MGAT3: variants seen among roughly 807,000 people sequenced by gnomAD.
The protein encoded by MGAT3 is beta-1,4-mannosyl-glycoprotein 4-beta-N-acetylglucosaminyltransferase, also known as GlcNAc-T III.
Under a neutral mutation model 29.8 loss-of-function variants are expected in MGAT3, and 9 were observed. The ratio of observed to expected loss-of-function variants is 0.30; its 90% confidence interval spans 0.18 to 0.53. The LOEUF (loss-of-function observed/expected upper bound fraction) is 0.53. MGAT3 is among the 20% of genes least tolerant of loss of function. The pLI is 0.96. For missense variants in MGAT3, 557 were observed against 769.5 expected, an observed-to-expected ratio of 0.72 and a Z score of 3.27; for synonymous variants, 397 against 348.9, an observed-to-expected ratio of 1.14 and a Z score of -1.54.
In MGAT3 at chr22:39,481,927, T is replaced by C. The variant is rs969755193; in HGVS notation, c.-1-5420T>C. Among the ~76,000 whole-genome samples, 6 of 152,292 alleles carry C rather than the reference T, an allele frequency of 3.9e-5. No individual in the cohort carries two copies. The South Asian group carries it at 1.2e-3, about 32-fold the overall frequency. ...GTCAGCCTCAGTGATAGTTTTACTG[T>C]TACACCTGATGGTTTGTCAATGCTT... On this transcript the variant is annotated intron_variant, in intron 1 of 1. Transcript: ENST00000341184.
chr22:39,486,978 G>A (rs982930657), intron 1 of MGAT3, among the ~76,000 whole-genome samples: 8 of 152,178 alleles, frequency 5.3e-5, no homozygotes, highest in African/African-American at 1.9e-4. Flanking sequence ...GTCCTGGGGC[G>A]GAGTCTGTAC....
chr22:39,469,097 G>A (rs1928735532), intron 1 of MGAT3, among the ~76,000 whole-genome samples: 1 of 147,244 alleles, frequency 6.8e-6, no homozygotes, highest in African/African-American at 2.6e-5. Flanking sequence ...CGGGCAGTGG[G>A]ACTGACTGCC....
Position 39,457,323 on chromosome 22 carries a change from C to G in MGAT3, c.-236C>G, listed in dbSNP as rs1928358058. 7.7e-6 allele frequency: 1 copy of G among 129,096 alleles called. No individual in the cohort carries two copies. The highest frequency in any genetic ancestry group is 1.6e-5 in the Non-Finnish European group (1 of 62,114). 8.0% of individuals were successfully genotyped at this position (129,096 alleles called of 1,614,324 possible). A position where few individuals can be genotyped will look rare whatever the true frequency, so the allele number is the denominator to read the frequency against. On this transcript the variant is annotated 5_prime_UTR_variant, in exon 1 of 2. Transcript: ENST00000341184. The surrounding 1 kb of genome is among the most constrained non-coding windows in gnomAD (Gnocchi z 6.8). Reference sequence around the variant, plus strand: ...GCCGCCGCCCCGGGGTGCAGCCGAGCGGCCGCGCCGGGTCCCCGGGACGGG... The same window carrying G: ...GCCGCCGCCCCGGGGTGCAGCCGAGGGGCCGCGCCGGGTCCCCGGGACGGG...
At chr22:39,460,161 C>T (rs993566572) in intron 1 of MGAT3, among the ~76,000 whole-genome samples, 1 of 152,346 alleles carries the variant, frequency 6.6e-6, no homozygotes, top group African/African-American at 2.4e-5. Context: ...CTTTGCTCCC[C>T]AGAGTGCAGT....
intron 1 of MGAT3, among the ~76,000 whole-genome samples, chr22:39,458,914 A>C (rs1928418998): frequency 1.3e-5 from 2 of 152,152 alleles, no homozygotes; most frequent in African/African-American, 4.8e-5. Context: ...AGGGCACAGC[A>C]GGGAGCTGGC....
chr22:39,470,467 C>T (rs1249244008), intron 1 of MGAT3, among the ~76,000 whole-genome samples: 5 of 152,156 alleles, frequency 3.3e-5, no homozygotes, highest in African/African-American at 1.2e-4. Context: ...CATCAGATGG[C>T]CAGGGTCCAT....
At chr22:39,469,578 C>T (rs1291367888) in intron 1 of MGAT3, among the ~76,000 whole-genome samples, 2 of 152,212 alleles carry the variant, frequency 1.3e-5, no homozygotes, top group African/African-American at 4.8e-5. Flanking sequence ...CAGACCTCCA[C>T]CTGCCACCTG....
chr22:39,464,401 C>T (rs1928579219), intron 1 of MGAT3, among the ~76,000 whole-genome samples: 1 of 151,732 alleles, frequency 6.6e-6, no homozygotes, highest in African/African-American at 2.4e-5. Context: ...TAGGGCCTGG[C>T]TCTGTGCCTG....
rs1460630782 is a variant in MGAT3 at position 39,491,761 on chromosome 22, A to G, written c.*2812A>G. On this transcript the variant is annotated 3_prime_UTR_variant, in exon 2 of 2. Coordinates refer to ENST00000341184, the MANE Select transcript of MGAT3 (RefSeq NM_002409.5). The surrounding 1 kb of genome is among the most constrained non-coding windows in gnomAD (Gnocchi z 5.5). ...AGAAGAACCCAGGGCCACTCCCTCAATATGAAGGGAAACCAAGCTGAATGT... is the reference window on the plus strand; with the variant it reads ...AGAAGAACCCAGGGCCACTCCCTCAGTATGAAGGGAAACCAAGCTGAATGT... 1 of 167,146 alleles carries G rather than the reference A, an allele frequency of 6.0e-6. No individual in the cohort carries two copies. The highest frequency in any genetic ancestry group is 2.4e-5 in the African/African-American group (1 of 41,420). 10.4% of individuals were successfully genotyped at this position (167,146 alleles called of 1,614,324 possible).
chr22:39,457,821 A>G lies in MGAT3; in HGVS notation c.-2+264A>G, dbSNP rs1187665828. 6.6e-6 allele frequency among the ~76,000 whole-genome samples: 1 copy of G among 150,958 alleles called. No individual in the cohort carries two copies. Among genetic ancestry groups the G allele is most frequent in the Non-Finnish European group, 1.5e-5 (1 of 67,524 alleles). On this transcript the variant is annotated intron_variant, in intron 1 of 1. Coordinates refer to ENST00000341184, the MANE Select transcript of MGAT3 (RefSeq NM_002409.5). This position sits in a 1 kb window ranked among gnomAD's most constrained non-coding sequence, Gnocchi z 6.8. Reference sequence around the variant, plus strand: ...CCCGGTCCCCGGAGGGCAGAGCCTCAGCGCCCGACCCCCTCCCACGGCCGG... The same window carrying G: ...CCCGGTCCCCGGAGGGCAGAGCCTCGGCGCCCGACCCCCTCCCACGGCCGG...
chr22:39,485,593 C>A (rs1445757861), intron 1 of MGAT3, among the ~76,000 whole-genome samples: 1 of 152,174 alleles, frequency 6.6e-6, no homozygotes, highest in Non-Finnish European at 1.5e-5. Flanking sequence ...GAGTTCGAGA[C>A]CTGCCTAGCC....
intron 1 of MGAT3, among the ~76,000 whole-genome samples, chr22:39,465,788 C>T (rs551824780): frequency 1.3e-4 from 19 of 152,000 alleles, no homozygotes; most frequent in Non-Finnish European, 1.8e-4. Context: ...AAAAATTAGC[C>T]GGGCATGGTG....
intron 1 of MGAT3, among the ~76,000 whole-genome samples, chr22:39,485,000 C>G (rs1408469744): frequency 6.6e-6 from 1 of 151,294 alleles, no homozygotes; most frequent in Non-Finnish European, 1.5e-5. Context: ...GAGACCCTGT[C>G]TCAAAAAAAA....
rs1928349490 is a variant in MGAT3 at position 39,457,152 on chromosome 22, G to A, written c.-407G>A. Among the ~76,000 whole-genome samples, 2 of 145,744 alleles carry A rather than the reference G, an allele frequency of 1.4e-5. No homozygotes were observed. Among genetic ancestry groups the A allele is most frequent in the East Asian group, 2.0e-4 (1 of 5,054 alleles). On this transcript the variant is annotated 5_prime_UTR_variant, in exon 1 of 2. Coordinates refer to ENST00000341184, the MANE Select transcript of MGAT3 (RefSeq NM_002409.5). This position sits in a 1 kb window ranked among gnomAD's most constrained non-coding sequence, Gnocchi z 6.8. Reference sequence around the variant, plus strand: ...AGCCCGGCTGGCGGGGGAGGGGAGGGGGTTGCGGAGGGGGCGGGGTGGGGG... The same window carrying A: ...AGCCCGGCTGGCGGGGGAGGGGAGGAGGTTGCGGAGGGGGCGGGGTGGGGG...
intron 1 of MGAT3, among the ~76,000 whole-genome samples, chr22:39,463,777 A>G (rs1928561478): frequency 6.6e-6 from 1 of 151,832 alleles, no homozygotes; most frequent in Admixed American, 6.6e-5. Context: ...TTAGGCAGGT[A>G]TGGTGGCAAA....
At chr22:39,486,962 C>T (rs1463409602) in intron 1 of MGAT3, among the ~76,000 whole-genome samples, 2 of 152,190 alleles carry the variant, frequency 1.3e-5, no homozygotes, top group African/African-American at 4.8e-5. Context: ...CTGCTCTCCC[C>T]GTTCTGTCCT....
chr22:39,477,562 A>C (rs946537315), intron 1 of MGAT3: 7 of 152,174 alleles, frequency 4.6e-5, no homozygotes, highest in African/African-American at 1.7e-4. Flanking sequence ...GAAAAAAAAA[A>C]AAAACCATGC....
intron 1 of MGAT3, among the ~76,000 whole-genome samples, chr22:39,478,685 TGCCTG>T (rs1330454412): frequency 1.3e-5 from 2 of 152,176 alleles, no homozygotes; most frequent in Non-Finnish European, 2.9e-5. Flanking sequence ...GGCTGCTACC[TGCCTG>T]GCCAGCTCCC....
At chr22:39,458,185 G>T (rs1169173039) in intron 1 of MGAT3, among the ~76,000 whole-genome samples, 1 of 152,184 alleles carries the variant, frequency 6.6e-6, no homozygotes, top group African/African-American at 2.4e-5. Flanking sequence ...GGCTGAGGGA[G>T]GGCGCTATAA....
Sources: allele counts gnomAD v4.1 joint callset (sites outside exome capture counted in the v4.1 genomes callset), GRCh38; gene constraint gnomAD v4.1.1; non-coding constraint Gnocchi (gnomAD v3.1); transcripts MANE v1.5; gene names NCBI Gene and HGNC (gene_info 2026-07-23, HGNC 2026-07-21).